Variants in PUDP observed in about 807,000 individuals in gnomAD.
The protein encoded by PUDP is pseudouridine-5'-phosphatase.
A neutral mutation model predicts 9.4 loss-of-function variants in PUDP; 8 were observed. The ratio of observed to expected loss-of-function variants is 0.85; its 90% CI spans 0.50 to 1.53. The LOEUF is 1.53. PUDP is among the 40% of genes most tolerant of loss of function. PUDP has a pLI of 0.00. For missense variants in PUDP, 188 were observed against 189.7 expected, an observed-to-expected ratio of 0.99 and a Z score of 0.05; for synonymous variants, 99 against 80.7, an observed-to-expected ratio of 1.23 and a Z score of -1.22.
intron 3 of PUDP, among the ~76,000 whole-genome samples, chrX:6,939,073 T>A (rs1928358681): frequency 9.1e-6 from 1 of 110,290 alleles, no homozygotes; most frequent in Non-Finnish European, 1.9e-5. Flanking sequence ...GTTTCATTCC[T>A]CATTTTAAGA....
rs991706955 is a variant in PUDP at position 7,049,735 on chromosome X, G to A, written c.*561C>T. 1 of 112,239 alleles carries A rather than the reference G, an allele frequency of 8.9e-6. No homozygotes were observed. Among genetic ancestry groups the A allele is most frequent in the Non-Finnish European group, 1.9e-5 (1 of 53,285 alleles). The allele number at this position is 112,239 out of a possible 1,213,427, so 9.2% of individuals were successfully genotyped here. On this transcript the variant is annotated 3_prime_UTR_variant, in exon 4 of 4. Coordinates refer to ENST00000381077, the MANE Select transcript of PUDP (RefSeq NM_012080.5). ...CATTGCATGTTGACATCAACACTGA[G>A]GAGAGTGATGCAGACGATAGATATA...
intron 3 of PUDP, among the ~76,000 whole-genome samples, chrX:6,932,721 G>A (rs1928214587): frequency 8.9e-6 from 1 of 112,101 alleles, no homozygotes; most frequent in Non-Finnish European, 1.9e-5. Flanking sequence ...CCAGGTCAAA[G>A]AAAGGGGTGA....
chrX:7,070,858 G>C (rs571337817), intron 3 of PUDP, among the ~76,000 whole-genome samples: 7 of 112,122 alleles, frequency 6.2e-5, no homozygotes, highest in African/African-American at 2.3e-4. Context: ...GATTACAGGC[G>C]TGAGCCATCA....
intron 1 of PUDP, among the ~76,000 whole-genome samples, chrX:7,146,656 G>T (rs148905824): frequency 0.042 from 4,607 of 110,146 alleles, 235 homozygotes; most frequent in African/African-American, 0.14. Context: ...CTTTTTAAAA[G>T]GAAACACTGC....
intron 3 of PUDP, among the ~76,000 whole-genome samples, chrX:6,746,559 C>T (rs971935806): frequency 9.0e-6 from 1 of 110,895 alleles, no homozygotes; most frequent in Non-Finnish European, 1.9e-5. Flanking sequence ...CTAATTCTCT[C>T]TCTCCCCCCA....
At chrX:6,984,427 T>C (rs1290507645) in intron 1 of PUDP, among the ~76,000 whole-genome samples, 1 of 112,157 alleles carries the variant, frequency 8.9e-6, no homozygotes, top group Non-Finnish European at 1.9e-5. Context: ...TATCTCAATA[T>C]AGCTGTTCTA....
At chrX:6,967,525 G>A (rs974391107) in intron 3 of PUDP, among the ~76,000 whole-genome samples, 5 of 111,165 alleles carry the variant, frequency 4.5e-5, no homozygotes, top group East Asian at 2.8e-4. Context: ...CACCTATGCC[G>A]TGAAAATGTC....
intron 3 of PUDP, among the ~76,000 whole-genome samples, chrX:6,872,695 T>C (rs1169266578): frequency 1.5e-4 from 11 of 75,840 alleles, no homozygotes; most frequent in African/African-American, 5.4e-4. Context: ...CAAGATTCCA[T>C]TAAAAAAAAA....
chrX:6,943,853 A>G (rs1361935572), intron 3 of PUDP, among the ~76,000 whole-genome samples: 1 of 111,679 alleles, frequency 9.0e-6, no homozygotes, highest in Admixed American at 9.6e-5. Flanking sequence ...CCTCTCAATA[A>G]AACAGTTAAA....
chrX:6,783,499 T>C (rs1318083803), intron 3 of PUDP, among the ~76,000 whole-genome samples: 3 of 111,728 alleles, frequency 2.7e-5, no homozygotes, highest in East Asian at 5.7e-4. Flanking sequence ...TCGAGACTTC[T>C]TTCCTGTAAT....
chrX:7,113,782 G>A (rs1249480078), intron 1 of PUDP, among the ~76,000 whole-genome samples: 2 of 111,969 alleles, frequency 1.8e-5, no homozygotes, highest in Non-Finnish European at 3.8e-5. Flanking sequence ...TGAGGTCCCC[G>A]GACCAGCAGC....
chrX:6,824,937 GT>G (rs1406111619), intron 3 of PUDP, among the ~76,000 whole-genome samples: 1 of 112,147 alleles, frequency 8.9e-6, no homozygotes, highest in Non-Finnish European at 1.9e-5. Context: ...ACGGTTTGTT[GT>G]TTACTGCAAT....
chrX:6,858,572 G>A (rs1052235080), intron 3 of PUDP, among the ~76,000 whole-genome samples: 9 of 110,980 alleles, frequency 8.1e-5, no homozygotes, highest in Non-Finnish European at 1.7e-4. Flanking sequence ...CTCTCACCTT[G>A]GCTTTCCAAA....
rs1457926218 is a variant in PUDP, at chrX:6,771,450, T to A, written c.*248-64984A>T. 2.7e-5 allele frequency among the ~76,000 whole-genome samples: 3 copies of A among 112,136 alleles called. No homozygotes were observed. In the East Asian group the frequency reaches 8.4e-4, roughly 31 times the overall value. ...CACCCAATATAGAACTTTGTGAATA[T>A]CTCTTTTGGAGCATGTCCGCAACTC... is the stretch of plus-strand genomic sequence containing the variant. On this transcript the variant is annotated intron_variant and NMD_transcript_variant, in intron 3 of 3. Coordinates refer to the PUDP transcript ENST00000655425.
In PUDP at chrX:7,054,132, C is replaced by T. The variant is rs185357178; in HGVS notation, c.511-3660G>A. ...ACAATCAATCACAATAAGAAGGTGA[C>T]GTAGGCTGGGCGCAGTGGCTCACAC... On this transcript the variant is annotated intron_variant, in intron 3 of 3. Coordinates refer to ENST00000381077, the MANE Select transcript of PUDP (RefSeq NM_012080.5). Among the ~76,000 whole-genome samples, 42 of 111,917 alleles carry T rather than the reference C, an allele frequency of 3.8e-4. No individual in the cohort carries two copies. The Middle Eastern group carries it at 0.018, about 49-fold the overall frequency.
At chrX:6,841,060 C>T (rs1015908832) in intron 3 of PUDP, among the ~76,000 whole-genome samples, 3 of 111,107 alleles carry the variant, frequency 2.7e-5, no homozygotes, top group African/African-American at 9.8e-5. Flanking sequence ...GGGTGGATCA[C>T]AAGGTCAGGA....
intron 1 of PUDP, among the ~76,000 whole-genome samples, chrX:7,019,072 T>C (rs968779909): frequency 8.9e-6 from 1 of 112,188 alleles, no homozygotes; most frequent in African/African-American, 3.2e-5. Flanking sequence ...ATTCTCTATA[T>C]AAACAAGCAC....
At chrX:6,794,930 T>TC (rs1345840323) in intron 3 of PUDP, among the ~76,000 whole-genome samples, 1 of 109,651 alleles carries the variant, frequency 9.1e-6, no homozygotes, top group Non-Finnish European at 1.9e-5. Context: ...AGGTTTTTTT[T>TC]TTTTTTAGCT....
At chrX:7,066,636 C>T (rs767620745) in intron 3 of PUDP, among the ~76,000 whole-genome samples, 39 of 111,254 alleles carry the variant, frequency 3.5e-4, no homozygotes, top group Admixed American at 2.5e-3. Context: ...TCCTGCTGTG[C>T]GCCCTGCTTC....
Sources: gnomAD v4.1 joint callset for allele counts (sites outside exome capture counted in the v4.1 genomes callset) on GRCh38, gnomAD v4.1.1 for gene constraint, MANE v1.5 for transcripts, NCBI Gene and HGNC (gene_info 2026-07-23, HGNC 2026-07-21) for gene names.